Variants in CRIM1 observed in about 807,000 individuals in gnomAD.
CRIM1 encodes cysteine-rich motor neuron 1 protein.
In CRIM1, 32 loss-of-function variants were observed where a neutral mutation model predicts 116.4. That is an observed-to-expected ratio of 0.27 (90% CI 0.21 to 0.37). CRIM1 has a LOEUF of 0.37. CRIM1 is among the 10% of genes least tolerant of loss of function. CRIM1 has a pLI of 1.00. For synonymous variants in CRIM1, 590 were observed against 509.2 expected (o/e 1.16, Z -2.13); for missense variants, 1,331 against 1,354.8 (o/e 0.98, Z 0.28).
intron 2 of CRIM1, among the ~76,000 whole-genome samples, chr2:36,437,374 CA>C (rs942127037): frequency 4.8e-4 from 62 of 130,334 alleles, no homozygotes; most frequent in Middle Eastern, 3.9e-3. Flanking sequence ...GACTCCATCT[CA>C]AAAAAAAAAA....
At chr2:36,433,223 A>C (rs529174573) in intron 2 of CRIM1, among the ~76,000 whole-genome samples, 97 of 147,112 alleles carry the variant, frequency 6.6e-4, no homozygotes, top group African/African-American at 2.4e-3. Context: ...CTGCATTTCC[A>C]GCAAGCTCCC....
At chr2:36,413,288 A>G (rs1203425093) in intron 2 of CRIM1, among the ~76,000 whole-genome samples, 2 of 152,202 alleles carry the variant, frequency 1.3e-5, no homozygotes, top group African/African-American at 4.8e-5. Context: ...TGAAATATGT[A>G]AGCCCTTTAA....
intron 15 of CRIM1, among the ~76,000 whole-genome samples, chr2:36,544,743 CGGAAATAAAT>C (rs1364383063): frequency 1.3e-5 from 2 of 152,054 alleles, no homozygotes; most frequent in African/African-American, 2.4e-5. Context: ...TTTGTGATGA[CGGAAATAAAT>C]GGAAATAAAT....
At chr2:36,546,481 CA>C (rs891971212) in intron 15 of CRIM1, among the ~76,000 whole-genome samples, 6 of 152,058 alleles carry the variant, frequency 3.9e-5, no homozygotes, top group African/African-American at 1.4e-4. Context: ...GAGTATCAAC[CA>C]AAAGACCAAC....
At chr2:36,523,941 A>G (rs1441355483) in intron 13 of CRIM1, among the ~76,000 whole-genome samples, 1 of 152,234 alleles carries the variant, frequency 6.6e-6, no homozygotes, top group Non-Finnish European at 1.5e-5. Context: ...TAGGAATTTT[A>G]CACAGATTTT....
At chr2:36,498,612 T>C (rs1204721708) in intron 7 of CRIM1, among the ~76,000 whole-genome samples, 1 of 152,204 alleles carries the variant, frequency 6.6e-6, no homozygotes, top group Non-Finnish European at 1.5e-5. Context: ...TTGTCCTGAA[T>C]GTGTGTATCT....
intron 7 of CRIM1, among the ~76,000 whole-genome samples, chr2:36,491,735 G>C (rs976380344): frequency 6.6e-6 from 1 of 152,160 alleles, no homozygotes; most frequent in African/African-American, 2.4e-5. Context: ...AGAAGGGTAG[G>C]TTCCAGTTAC....
intron 1 of CRIM1, chr2:36,378,728 A>G (rs953760004): frequency 3.3e-5 from 5 of 153,828 alleles, no homozygotes; most frequent in Non-Finnish European, 7.2e-5. Flanking sequence ...TTCAAAGTCT[A>G]ATGTCTTTTT....
intron 8 of CRIM1, among the ~76,000 whole-genome samples, chr2:36,503,034 G>T (rs1016311180): frequency 1.3e-5 from 2 of 152,206 alleles, no homozygotes; most frequent in Admixed American, 6.5e-5. Context: ...CTATACAGAA[G>T]TCTAGACATA....
chr2:36,511,102 C>T (rs1664643266), intron 9 of CRIM1, among the ~76,000 whole-genome samples: 1 of 151,868 alleles, frequency 6.6e-6, no homozygotes, highest in Non-Finnish European at 1.5e-5. Context: ...CCACCATGCC[C>T]AACTAATTTT....
chr2:36,531,965 A>G (rs1465573145), intron 13 of CRIM1: 1 of 471,002 alleles, frequency 2.1e-6, no homozygotes, highest in South Asian at 1.5e-5. Context: ...CAGGTCCCTG[A>G]CGTAGTTGAC....
chr2:36,368,178 C>T (rs547347645), intron 1 of CRIM1, among the ~76,000 whole-genome samples: 53 of 152,280 alleles, frequency 3.5e-4, no homozygotes, highest in African/African-American at 1.3e-3. Flanking sequence ...AGTAATAGTG[C>T]ATGAAAGGGG....
chr2:36,451,890 G>A (rs1676758830), intron 4 of CRIM1, among the ~76,000 whole-genome samples: 1 of 151,242 alleles, frequency 6.6e-6, no homozygotes, highest in African/African-American at 2.4e-5. Context: ...ACAGTTTTAA[G>A]TTTTTTTAGG....
intron 9 of CRIM1, among the ~76,000 whole-genome samples, chr2:36,511,056 C>T (rs1437551363): frequency 6.6e-6 from 1 of 152,050 alleles, no homozygotes; most frequent in African/African-American, 2.4e-5. Flanking sequence ...CAGCCTCAGC[C>T]TCAGCCTCCC....
At chr2:36,420,781 G>A (rs947805010) in intron 2 of CRIM1, among the ~76,000 whole-genome samples, 1 of 152,204 alleles carries the variant, frequency 6.6e-6, no homozygotes, top group Admixed American at 6.5e-5. Context: ...TGGAGCATAG[G>A]TGCTGCCATA....
At chr2:36,357,129 T>A (rs532688932) in intron 1 of CRIM1, among the ~76,000 whole-genome samples, 1 of 152,202 alleles carries the variant, frequency 6.6e-6, no homozygotes, top group African/African-American at 2.4e-5. Context: ...GTGACTCTTA[T>A]TATTTTTTCC....
At position 36,356,177 on chromosome 2, in the gene CRIM1, G is replaced by A. The variant is rs1341157621; in HGVS notation, c.-116G>A. 9.7e-6 allele frequency: 3 copies of A among 309,180 alleles called. No individual in the cohort carries two copies. The highest frequency in any genetic ancestry group is 8.7e-5 in the East Asian group (1 of 11,466). The allele number at this position is 309,180 out of a possible 1,614,324, so 19.2% of individuals were successfully genotyped here. On this transcript the variant is annotated 5_prime_UTR_variant, in exon 1 of 17. Coordinates refer to ENST00000280527, the MANE Select transcript of CRIM1 (RefSeq NM_016441.3). The surrounding 1 kb of genome is among the most constrained non-coding windows in gnomAD (Gnocchi z 4.3). ...GCGCCCCGGGGGCCCCGAGAGGGGCGGTGAGGACCGCGGGCTGCTGGTGCG... is the reference window on the plus strand; with the variant it reads ...GCGCCCCGGGGGCCCCGAGAGGGGCAGTGAGGACCGCGGGCTGCTGGTGCG...
intron 1 of CRIM1, among the ~76,000 whole-genome samples, chr2:36,361,666 A>G (rs1340785745): frequency 6.6e-6 from 1 of 152,200 alleles, no homozygotes; most frequent in Admixed American, 6.5e-5. Context: ...TTCCTGAAAA[A>G]TGTGGGTGTG....
At chr2:36,473,272 G>C (rs980980007) in intron 5 of CRIM1, among the ~76,000 whole-genome samples, 20 of 152,126 alleles carry the variant, frequency 1.3e-4, no homozygotes, top group Admixed American at 1.2e-3. Context: ...GAAAGATGGG[G>C]ATATCATCAT....
Sources: allele counts gnomAD v4.1 joint callset (sites outside exome capture counted in the v4.1 genomes callset), GRCh38; gene constraint gnomAD v4.1.1; non-coding constraint Gnocchi (gnomAD v3.1); transcripts MANE v1.5; gene names NCBI Gene and HGNC (gene_info 2026-07-23, HGNC 2026-07-21).